IARS1: variants seen among roughly 807,000 people sequenced by gnomAD.
IARS1 encodes isoleucyl-tRNA synthetase 1, also known as isoleucine--tRNA ligase, cytoplasmic.
A neutral mutation model predicts 168.2 loss-of-function variants in IARS1; 124 were observed. The ratio of observed to expected loss-of-function variants is 0.74; its 90% CI spans 0.64 to 0.86. The LOEUF is 0.86. IARS1 is among the 40% of genes least tolerant of loss of function. The probability of loss-of-function intolerance (pLI) is 0.00; values close to 1 mark genes in which losing one functional copy is unlikely to be tolerated. For missense variants in IARS1, 1,452 were observed against 1,515.8 expected, an observed-to-expected ratio of 0.96 and a Z score of 0.70; for synonymous variants, 532 against 529.4, an observed-to-expected ratio of 1.00 and a Z score of -0.07.
rs555684105 is a variant in IARS1 at position 92,284,509 on chromosome 9, G to A, written c.597+1213C>T. 6.6e-5 allele frequency among the ~76,000 whole-genome samples: 10 copies of A among 152,176 alleles called. No individual in the cohort carries two copies. The South Asian group carries it at 1.0e-3, about 16-fold the overall frequency. ...GTTTTAAAAAACAACCAAACAGGCC[G>A]GGCGCAATGGCTCACAACTGTAATT... On this transcript the variant is annotated intron_variant, in intron 6 of 33. Coordinates refer to ENST00000443024, the MANE Select transcript of IARS1 (RefSeq NM_002161.6).
At chr9:92,213,476 A>C (rs572633131) in intron 33 of IARS1, among the ~76,000 whole-genome samples, 1 of 152,310 alleles carries the variant, frequency 6.6e-6, no homozygotes, top group Admixed American at 6.5e-5. Flanking sequence ...AAAAGAGGAA[A>C]CAGAAGAGAA....
chr9:92,231,215 C>G (rs1351582689), intron 30 of IARS1, among the ~76,000 whole-genome samples: 1 of 152,144 alleles, frequency 6.6e-6, no homozygotes, highest in Non-Finnish European at 1.5e-5. Flanking sequence ...CTTTGGCCAC[C>G]TAAGTAAGTA....
intron 7 of IARS1, among the ~76,000 whole-genome samples, chr9:92,279,168 T>C (rs1369958009): frequency 6.6e-6 from 1 of 152,226 alleles, no homozygotes; most frequent in African/African-American, 2.4e-5. Context: ...CTATGGGTCA[T>C]TGTAAAAGCC....
At chr9:92,239,584 C>T (rs188985061) in intron 30 of IARS1, among the ~76,000 whole-genome samples, 3 of 152,250 alleles carry the variant, frequency 2.0e-5, no homozygotes, top group East Asian at 1.9e-4. Context: ...AGGAGTTGCT[C>T]GTGGTGTGTG....
intron 27 of IARS1, among the ~76,000 whole-genome samples, chr9:92,244,496 T>A (rs1266416979): frequency 1.3e-5 from 2 of 152,128 alleles, no homozygotes; most frequent in Non-Finnish European, 2.9e-5. Flanking sequence ...TCTTCTCCAA[T>A]ATGGCAAAAA....
At position 92,242,242 on chromosome 9, in the gene IARS1, G is replaced by A; in HGVS notation, c.3089C>T (p.Thr1030Ile). The A allele has an allele frequency of 6.2e-7, 1 of 1,613,466 alleles. No individual in the cohort carries two copies. Among genetic ancestry groups the A allele is most frequent in the African/African-American group, 1.3e-5 (1 of 75,020 alleles). Residue 1030 changes from threonine (T) to isoleucine (I), a missense_variant, in exon 29 of 34, where the codon ACA (threonine) becomes ATA (isoleucine). By Grantham distance (89) the Thr-to-Ile change is moderately conservative. Transcript: ENST00000443024. ...TYLNSVIESH[T>I]EFIFTTIKAP... is the part of the protein sequence containing the mutation. ...CTTTATGGTGGTAAATATGAACTCTGTGTGGCTTTCAATAACACTATTCAG... is the reference window on the plus strand; with the variant it reads ...CTTTATGGTGGTAAATATGAACTCTATGTGGCTTTCAATAACACTATTCAG...
chr9:92,274,665 C>T, intron 9 of IARS1, 144 bp from the exon 10 acceptor site: 2 of 559,710 alleles, frequency 3.6e-6, no homozygotes, highest in Non-Finnish European at 6.4e-6. Context: ...ATAATGCAGG[C>T]TGGGAAGAAA....
chr9:92,264,967 T>C lies in IARS1; in HGVS notation c.1662A>G (p.Ala554=). ...GGTCGATGCCCTCGGCAATGAAATC[T>C]GCAGGAAAAGCATCCTCAAACTCCC... ...NKREFEDAFP[A]DFIAEGIDQT... is the part of the protein sequence containing the mutation. The change falls in exon 16 of 34, where the codon GCA becomes GCG. Residue 554 remains alanine (A), a synonymous_variant. Coordinates refer to ENST00000443024, the MANE Select transcript of IARS1 (RefSeq NM_002161.6). 6.2e-7 allele frequency: 1 copy of C among 1,614,154 alleles called. No homozygotes were observed. Among genetic ancestry groups the C allele is most frequent in the Non-Finnish European group, 8.5e-7 (1 of 1,179,998 alleles).
Position 92,242,314 on chromosome 9 carries a change from G to A in IARS1, c.3017C>T (p.Thr1006Ile), listed in dbSNP as rs562503211. Reference sequence around the variant, plus strand: ...TTTATAGTACACTGTGATTTCATCAGTTGGAACCAGATTGCACTGAAAACA... The same window carrying A: ...TTTATAGTACACTGTGATTTCATCAATTGGAACCAGATTGCACTGAAAACA... ...KLRKKCNLVP[T>I]DEITVYYKAK... The change falls in exon 29 of 34, where the codon ACT becomes ATT. Residue 1006 changes from threonine to isoleucine, a missense_variant. Physicochemically the swap from Thr to Ile is moderately conservative, Grantham distance 89 (BLOSUM62 -1). Transcript: ENST00000443024. 6.2e-7 allele frequency: 1 copy of A among 1,612,496 alleles called. No homozygotes were observed. Among genetic ancestry groups the A allele is most frequent in the East Asian group, 2.2e-5 (1 of 44,858 alleles).
intron 31 of IARS1, among the ~76,000 whole-genome samples, chr9:92,228,180 A>AT (rs1826064830): frequency 6.6e-6 from 1 of 152,106 alleles, no homozygotes; most frequent in South Asian, 2.1e-4. Context: ...GTCATACTGG[A>AT]TTAGGGGCCC....
At chr9:92,293,135 T>C (rs1836649043) in intron 1 of IARS1, among the ~76,000 whole-genome samples, 1 of 152,220 alleles carries the variant, frequency 6.6e-6, no homozygotes. Flanking sequence ...GTCTCAAACG[T>C]TTCCTCAATT....
At position 92,229,682 on chromosome 9, in the gene IARS1, G is replaced by A. The variant is rs193069183; in HGVS notation, c.3284-556C>T. ...GAGTTAATTGTAGAGCCAAATGCAC[G>A]TAGTGAGATACCACAGGCCCCTTAC... On this transcript the variant is annotated intron_variant, in intron 30 of 33. Coordinates refer to ENST00000443024, the MANE Select transcript of IARS1 (RefSeq NM_002161.6). Among the ~76,000 whole-genome samples, 418 of 152,252 alleles carry A rather than the reference G, an allele frequency of 2.7e-3. 2 individuals carry two copies. Among genetic ancestry groups the A allele is most frequent in the African/African-American group, 9.3e-3 (387 of 41,548 alleles).
intron 21 of IARS1, chr9:92,252,491 G>C (rs1416326532): frequency 4.4e-6 from 2 of 459,474 alleles, no homozygotes; most frequent in East Asian, 6.6e-5. Context: ...GACTGGCCAG[G>C]CACGGTGGTT....
chr9:92,252,828 T>C (rs570043662), intron 21 of IARS1, among the ~76,000 whole-genome samples: 4 of 140,798 alleles, frequency 2.8e-5, no homozygotes, highest in East Asian at 4.3e-4. Context: ...GGAGCCTTCA[T>C]TGGGCCTGCA....
chr9:92,266,773 T>C (rs1334951707), intron 14 of IARS1, among the ~76,000 whole-genome samples: 12 of 152,214 alleles, frequency 7.9e-5, no homozygotes, highest in African/African-American at 2.9e-4. Context: ...CTGCATACTC[T>C]GGCTCCTGTC....
At chr9:92,273,473 T>C (rs1221613979) in intron 10 of IARS1, among the ~76,000 whole-genome samples, 1 of 152,142 alleles carries the variant, frequency 6.6e-6, no homozygotes, top group Non-Finnish European at 1.5e-5. Flanking sequence ...AATAAAAAAG[T>C]GTGCTACTGT....
chr9:92,251,987 G>C, intron 21 of IARS1, 102 bp from the exon 22 acceptor site: 1 of 823,220 alleles, frequency 1.2e-6, no homozygotes, highest in South Asian at 1.5e-5. Flanking sequence ...AGAACATGCA[G>C]CATACAGACA....
chr9:92,226,533 TA>T, intron 31 of IARS1, among the ~76,000 whole-genome samples: 1 of 152,336 alleles, frequency 6.6e-6, no homozygotes, highest in Admixed American at 6.5e-5. Context: ...GCTGCCATAG[TA>T]AAGTCCCATA....
At chr9:92,265,257 A>C in intron 15 of IARS1, 134 bp from the exon 16 acceptor site, 1 of 879,736 alleles carries the variant, frequency 1.1e-6, no homozygotes, top group Non-Finnish European at 1.7e-6. Flanking sequence ...GCAATTCTCA[A>C]AGGCTTTCAG....
Sources: allele counts gnomAD v4.1 joint callset (sites outside exome capture counted in the v4.1 genomes callset), GRCh38; gene constraint gnomAD v4.1.1; transcripts MANE v1.5; gene names NCBI Gene and HGNC (gene_info 2026-07-23, HGNC 2026-07-21).